ZNF292: variants seen among roughly 807,000 people sequenced by gnomAD.
ZNF292 encodes 16 zinc-finger domain protein.
Under a neutral mutation model 217.9 loss-of-function variants are expected in ZNF292, and 26 were observed. The ratio of observed to expected loss-of-function variants is 0.12; its 90% confidence interval spans 0.09 to 0.17. The LOEUF is 0.17. Ranked by LOEUF, ZNF292 falls within the 10% of genes least tolerant of loss-of-function variation. The pLI, the probability that ZNF292 is intolerant of heterozygous loss-of-function variation, is 1.00. For synonymous variants in ZNF292, 1,257 were observed against 1,124.1 expected (o/e 1.12, Z -2.37); for missense variants, 2,904 against 3,175.2 (o/e 0.91, Z 2.05).
At chr6:87,222,308 TTCTTACATCCATA>T (rs1000151281) in intron 4 of ZNF292, among the ~76,000 whole-genome samples, 17 of 152,134 alleles carry the variant, frequency 1.1e-4, no homozygotes, top group African/African-American at 3.4e-4. Flanking sequence ...TTGCCTTTAG[TTCTTACATCCATA>T]TCCGTTGATT....
At chr6:87,171,910 C>T (rs1206810859) in intron 1 of ZNF292, among the ~76,000 whole-genome samples, 1 of 152,180 alleles carries the variant, frequency 6.6e-6, no homozygotes, top group African/African-American at 2.4e-5. Flanking sequence ...ACTAGCGGAA[C>T]ATACTTATTA....
chr6:87,241,014 G>A (rs899405028), intron 5 of ZNF292, among the ~76,000 whole-genome samples: 14 of 152,190 alleles, frequency 9.2e-5, no homozygotes, highest in African/African-American at 2.9e-4. Flanking sequence ...GCTGAGCACC[G>A]TGGCTCATGC....
At chr6:87,169,504 A>C (rs1314670489) in intron 1 of ZNF292, among the ~76,000 whole-genome samples, 2 of 152,222 alleles carry the variant, frequency 1.3e-5, no homozygotes, top group Non-Finnish European at 2.9e-5. Context: ...TATTTCATAT[A>C]AATAATTTAA....
At chr6:87,228,231 T>G (rs1311268709) in intron 4 of ZNF292, among the ~76,000 whole-genome samples, 1 of 152,226 alleles carries the variant, frequency 6.6e-6, no homozygotes, top group Non-Finnish European at 1.5e-5. Context: ...TATGTTATCT[T>G]TTGAGAAATA....
At position 87,263,913 on chromosome 6, in the gene ZNF292, A is replaced by G. The variant is rs1562200345; in HGVS notation, c.*2112A>G. 6.6e-6 allele frequency: 1 copy of G among 152,096 alleles called. No individual in the cohort carries two copies. The highest frequency in any genetic ancestry group is 1.5e-5 in the Non-Finnish European group (1 of 67,984). 9.4% of individuals were successfully genotyped at this position (152,096 alleles called of 1,614,324 possible). A position where few individuals can be genotyped will look rare whatever the true frequency, so the allele number is the denominator to read the frequency against. On this transcript the variant is annotated 3_prime_UTR_variant, in exon 8 of 8. Coordinates refer to ENST00000369577, the MANE Select transcript of ZNF292 (RefSeq NM_015021.3). ...CACTGTTAAGTGAAAATGCCAATGT[A>G]TTGGGGCTTTTCTTTTGCTCATTAG...
In ZNF292 at chr6:87,257,848, G is replaced by A. The variant is rs1464593008; in HGVS notation, c.4219G>A (p.Glu1407Lys). Residue 1407 changes from glutamate to lysine, a missense_variant, in exon 8 of 8, where the codon GAA becomes AAA. Glu to Lys is a moderately conservative substitution (Grantham distance 56, BLOSUM62 1). Coordinates refer to ENST00000369577, the MANE Select transcript of ZNF292 (RefSeq NM_015021.3). ...RSYCKPLDGA[E>K]IAQELLQSNG... ...TTACTGTAAACCACTGGATGGAGCC[G>A]AAATTGCTCAAGAACTTCTACAGAG... 6.2e-6 allele frequency: 10 copies of A among 1,613,828 alleles called. No homozygotes were observed. Among genetic ancestry groups the A allele is most frequent in the Non-Finnish European group, 8.5e-6 (10 of 1,179,796 alleles).
intron 4 of ZNF292, among the ~76,000 whole-genome samples, chr6:87,222,394 T>G (rs1311775096): frequency 6.6e-6 from 1 of 152,170 alleles, no homozygotes; most frequent in African/African-American, 2.4e-5. Flanking sequence ...TCCTTTTCTG[T>G]CTAAAGGATT....
Position 87,256,501 on chromosome 6 carries a change from A to G in ZNF292, c.2872A>G (p.Thr958Ala), listed in dbSNP as rs571544361. ...TAACTTTGGAAAGCAAGAAAACTCA[A>G]CTGTGGAAGGCAGTGGTGAAGCACT... ...EDNFGKQENSTVEGSGEALVT... is the reference protein window; with the variant it reads ...EDNFGKQENSAVEGSGEALVT... The change falls in exon 8 of 8, where the codon ACT (threonine) becomes GCT (alanine). Residue 958 changes from threonine (T) to alanine (A), a missense_variant. Transcript: ENST00000369577. 3 of 1,612,238 alleles carry G rather than the reference A, an allele frequency of 1.9e-6. No individual in the cohort carries two copies. The highest frequency in any genetic ancestry group is 3.3e-5 in the Admixed American group (2 of 60,014).
chr6:87,227,588 A>G (rs933926663), intron 4 of ZNF292, among the ~76,000 whole-genome samples: 4 of 151,584 alleles, frequency 2.6e-5, no homozygotes, highest in Non-Finnish European at 4.4e-5. Context: ...TTAAACAACA[A>G]CTCCCCTTTT....
intron 1 of ZNF292, among the ~76,000 whole-genome samples, chr6:87,201,046 A>C (rs1181694362): frequency 6.6e-6 from 1 of 152,208 alleles, no homozygotes; most frequent in Admixed American, 6.5e-5. Flanking sequence ...GATTCTCCTG[A>C]ATTCTCACAA....
At position 87,161,734 on chromosome 6, in the gene ZNF292, G is replaced by C. The variant is rs537406317; in HGVS notation, c.168+5975G>C. 4.1e-4 allele frequency among the ~76,000 whole-genome samples: 62 copies of C among 152,032 alleles called. 1 individual carries two copies. Among genetic ancestry groups the C allele is most frequent in the African/African-American group, 1.4e-3 (58 of 41,376 alleles). On this transcript the variant is annotated intron_variant, in intron 1 of 7. Transcript: ENST00000369577. Reference sequence around the variant, plus strand: ...CCCAGCCTGGTTTTGCTTTTTTGTTGTTTGTTTTGTTTTGTTTTAAATTGA... The same window carrying C: ...CCCAGCCTGGTTTTGCTTTTTTGTTCTTTGTTTTGTTTTGTTTTAAATTGA...
intron 1 of ZNF292, among the ~76,000 whole-genome samples, chr6:87,166,464 A>G (rs981666936): frequency 6.6e-6 from 1 of 152,218 alleles, no homozygotes; most frequent in Non-Finnish European, 1.5e-5. Context: ...AGAGGGTAGT[A>G]AGAGACACTG....
At chr6:87,187,475 T>C (rs367784104) in intron 1 of ZNF292, among the ~76,000 whole-genome samples, 1 of 152,038 alleles carries the variant, frequency 6.6e-6, no homozygotes. Context: ...TCCTAGCACT[T>C]TGGGAGGCCG....
chr6:87,223,909 ATC>A (rs1239997682), intron 4 of ZNF292: 1 of 152,202 alleles, frequency 6.6e-6, no homozygotes, highest in East Asian at 1.9e-4. Flanking sequence ...AGAAACCAAG[ATC>A]TATATTAAAC....
intron 7 of ZNF292, among the ~76,000 whole-genome samples, chr6:87,251,909 G>T (rs1275517981): frequency 1.3e-5 from 2 of 152,142 alleles, no homozygotes; most frequent in African/African-American, 4.8e-5. Context: ...GAATCAAAAT[G>T]AACCTTTGAA....
At chr6:87,224,908 A>G (rs991276243) in intron 4 of ZNF292, among the ~76,000 whole-genome samples, 3 of 152,102 alleles carry the variant, frequency 2.0e-5, no homozygotes, top group African/African-American at 4.8e-5. Context: ...TGGCTATGTC[A>G]TATGGTAAGA....
chr6:87,208,029 C>T (rs1357618849), intron 1 of ZNF292, among the ~76,000 whole-genome samples: 1 of 152,014 alleles, frequency 6.6e-6, no homozygotes, highest in African/African-American at 2.4e-5. Flanking sequence ...AATTTTAGAC[C>T]ACGTATGTCC....
intron 1 of ZNF292, among the ~76,000 whole-genome samples, chr6:87,182,768 A>G (rs899314710): frequency 3.9e-5 from 6 of 152,210 alleles, no homozygotes; most frequent in South Asian, 2.1e-4. Flanking sequence ...TAGCCTTTAC[A>G]TTAGTATAGA....
Position 87,260,793 on chromosome 6 carries a change from T to C in ZNF292, c.7164T>C (p.Cys2388=), listed in dbSNP as rs373163233. 5 of 1,613,164 alleles carry C rather than the reference T, an allele frequency of 3.1e-6. No individual in the cohort carries two copies. The African/African-American group carries it at 6.7e-5, about 22-fold the overall frequency. ...CTSRFVTQYP[C]MIKGCTSVVT... Reference sequence around the variant, plus strand: ...GCAGATTTGTAACCCAGTATCCATGTATGATAAAGGGATGTACTTCAGTTG... The same window carrying C: ...GCAGATTTGTAACCCAGTATCCATGCATGATAAAGGGATGTACTTCAGTTG... Residue 2388 remains cysteine (C), a synonymous_variant, in exon 8 of 8, where the codon TGT becomes TGC. Transcript: ENST00000369577.
Sources: gnomAD v4.1 joint callset for allele counts (sites outside exome capture counted in the v4.1 genomes callset) on GRCh38, gnomAD v4.1.1 for gene constraint, MANE v1.5 for transcripts, NCBI Gene and HGNC (gene_info 2026-07-23, HGNC 2026-07-21) for gene names.